CDKL4: variants seen among roughly 807,000 people sequenced by gnomAD.
The protein encoded by CDKL4 is cyclin dependent kinase like 4.
Under a neutral mutation model 42.0 loss-of-function variants are expected in CDKL4, and 44 were observed. That is an observed-to-expected ratio of 1.05 (90% CI 0.82 to 1.35). The LOEUF (loss-of-function observed/expected upper bound fraction) is 1.35. Ranked by LOEUF, CDKL4 falls within the 40% of genes most tolerant of loss-of-function variation. CDKL4 has a pLI of 0.00. For synonymous variants in CDKL4, 120 were observed against 121.6 expected (o/e 0.99, Z 0.09); for missense variants, 393 against 369.9 (o/e 1.06, Z -0.51).
intron 7 of CDKL4, among the ~76,000 whole-genome samples, chr2:39,185,420 A>G (rs60699973): frequency 0.053 from 606 of 11,514 alleles, 253 homozygotes; most frequent in Non-Finnish European, 0.16. Flanking sequence ...ATATACATAT[A>G]TATATACATA....
chr2:39,220,254 T>C (rs1209444661), intron 3 of CDKL4, among the ~76,000 whole-genome samples: 1 of 152,154 alleles, frequency 6.6e-6, no homozygotes, highest in East Asian at 1.9e-4. Context: ...ACAATAAGGC[T>C]GGTTCTGCCT....
At chr2:39,206,061 G>T (rs201125822) in intron 4 of CDKL4, among the ~76,000 whole-genome samples, 13 of 148,428 alleles carry the variant, frequency 8.8e-5, no homozygotes, top group Admixed American at 1.3e-4. Context: ...TTTGTTTTTT[G>T]TTTTTTTTTT....
intron 1 of CDKL4, among the ~76,000 whole-genome samples, chr2:39,230,893 A>G (rs181953775): frequency 6.6e-6 from 1 of 152,292 alleles, no homozygotes; most frequent in Non-Finnish European, 1.5e-5. Flanking sequence ...TACATTACAC[A>G]GCCTCTCAGT....
chr2:39,206,515 G>A lies in CDKL4; in HGVS notation c.364-1898C>T, dbSNP rs542445989. Among the ~76,000 whole-genome samples the A allele has an allele frequency of 4.1e-3, 623 of 152,338 alleles. 7 individuals carry two copies. Among genetic ancestry groups the A allele is most frequent in the African/African-American group, 0.014 (587 of 41,566 alleles). On this transcript the variant is annotated intron_variant, in intron 4 of 9. Coordinates refer to ENST00000451199, the Ensembl canonical transcript of CDKL4. ...GGGTGAGGGCAGGCTGAGTAAGCCC[G>A]CGCGCACATGGGCATTCCAGAAATG...
At chr2:39,225,313 G>A (rs1380665342) in intron 3 of CDKL4, among the ~76,000 whole-genome samples, 1 of 151,846 alleles carries the variant, frequency 6.6e-6, no homozygotes, top group African/African-American at 2.4e-5. Flanking sequence ...GGCAGAGGCA[G>A]AGAACTGCTT....
intron 8 of CDKL4, 86 bp downstream of exon 8, chr2:39,184,505 T>G (rs938234028): frequency 4.7e-6 from 4 of 854,768 alleles, no homozygotes; most frequent in Admixed American, 4.5e-5. Context: ...TGGCATTATT[T>G]AATCCACTGT....
chr2:39,234,327 G>A (rs1679246482), intron 1 of CDKL4, among the ~76,000 whole-genome samples: 1 of 152,106 alleles, frequency 6.6e-6, no homozygotes, highest in Non-Finnish European at 1.5e-5. Context: ...AATCATCTCA[G>A]AAATGACTAA....
chr2:39,195,801 G>A (rs1414501359), intron 5 of CDKL4, among the ~76,000 whole-genome samples: 5 of 151,932 alleles, frequency 3.3e-5, no homozygotes, highest in South Asian at 4.2e-4. Context: ...GAGCCACTGC[G>A]CCCTGCCTTA....
At chr2:39,188,897 G>A (rs1014120062) in intron 6 of CDKL4, among the ~76,000 whole-genome samples, 1 of 152,076 alleles carries the variant, frequency 6.6e-6, no homozygotes, top group African/African-American at 2.4e-5. Flanking sequence ...TGCCTATGTT[G>A]CCCAGCCTGG....
intron 5 of CDKL4, among the ~76,000 whole-genome samples, chr2:39,197,264 C>G (rs1000781601): frequency 1.4e-4 from 21 of 152,064 alleles, no homozygotes; most frequent in African/African-American, 4.6e-4. Flanking sequence ...CAAATTAACC[C>G]AATCTGTCAA....
At chr2:39,193,390 T>C (rs369186611) in intron 5 of CDKL4, among the ~76,000 whole-genome samples, 1 of 149,280 alleles carries the variant, frequency 6.7e-6, no homozygotes, top group Admixed American at 6.7e-5. Flanking sequence ...TATTATTGTT[T>C]TTGAGATGGA....
At chr2:39,220,995 T>TTG (rs1558575891) in intron 3 of CDKL4, among the ~76,000 whole-genome samples, 7 of 57,116 alleles carry the variant, frequency 1.2e-4, no homozygotes, top group Non-Finnish European at 2.2e-4. Context: ...TTTTTTTTTT[T>TTG]TTTTTGTTTT....
intron 8 of CDKL4, among the ~76,000 whole-genome samples, chr2:39,181,260 C>T (rs1057021608): frequency 6.6e-6 from 1 of 152,200 alleles, no homozygotes; most frequent in African/African-American, 2.4e-5. Flanking sequence ...CCTTTTCAAA[C>T]CAGCCTTTGC....
chr2:39,169,869 G>A, the CDKL4 span, among the ~76,000 whole-genome samples: 1 of 152,146 alleles, frequency 6.6e-6, no homozygotes, highest in African/African-American at 2.4e-5. Flanking sequence ...CATGATCTCA[G>A]CTCACTGCAA....
chr2:39,226,453 A>AT, intron 2 of CDKL4, among the ~76,000 whole-genome samples: 1 of 140,438 alleles, frequency 7.1e-6, no homozygotes. Context: ...TATTATATAT[A>AT]TATTATATAT....
chr2:39,206,034 C>T (rs1476504015), intron 4 of CDKL4, among the ~76,000 whole-genome samples: 3 of 142,728 alleles, frequency 2.1e-5, no homozygotes, highest in African/African-American at 7.8e-5. Context: ...ACGCTGACCT[C>T]AAAGCAGCTG....
chr2:39,206,196 G>A (rs993587820), intron 4 of CDKL4, among the ~76,000 whole-genome samples: 2 of 152,008 alleles, frequency 1.3e-5, no homozygotes, highest in Non-Finnish European at 2.9e-5. Flanking sequence ...TGGGACTACG[G>A]ATGTGTCCCG....
At chr2:39,218,161 T>C (rs777657710) in intron 3 of CDKL4, among the ~76,000 whole-genome samples, 4 of 152,192 alleles carry the variant, frequency 2.6e-5, no homozygotes, top group Non-Finnish European at 5.9e-5. Flanking sequence ...ATGAGTAATT[T>C]TCTGTGTTAA....
At chr2:39,232,424 A>C (rs1419090189) in intron 1 of CDKL4, among the ~76,000 whole-genome samples, 2 of 152,210 alleles carry the variant, frequency 1.3e-5, no homozygotes, top group Non-Finnish European at 2.9e-5. Context: ...ATCCAGACCA[A>C]CTATCCAACT....
Sources: allele counts gnomAD v4.1 joint callset (sites outside exome capture counted in the v4.1 genomes callset), GRCh38; gene constraint gnomAD v4.1.1; transcripts MANE v1.5; gene names NCBI Gene and HGNC (gene_info 2026-07-23, HGNC 2026-07-21).